The following LRCH1 variants were observed in gnomAD, a reference collection of about 807,000 sequenced individuals.
The protein encoded by LRCH1 is leucine-rich repeat and calponin homology domain-containing protein 1.
A neutral mutation model predicts 94.9 loss-of-function variants in LRCH1; 23 were observed. The ratio of observed to expected loss-of-function variants is 0.24; its 90% CI spans 0.17 to 0.34. The LOEUF (loss-of-function observed/expected upper bound fraction) is 0.34, where lower values mean the gene tolerates loss of function less well. LRCH1 is among the 10% of genes least tolerant of loss of function. The probability of loss-of-function intolerance (pLI) is 1.00; values close to 1 mark genes in which losing one functional copy is unlikely to be tolerated. For synonymous variants in LRCH1, 364 were observed against 354.9 expected (o/e 1.03, Z -0.29); for missense variants, 790 against 945.9 (o/e 0.84, Z 2.16).
At chr13:46,601,501 A>G (rs1355153536) in intron 1 of LRCH1, among the ~76,000 whole-genome samples, 2 of 152,244 alleles carry the variant, frequency 1.3e-5, no homozygotes, top group Non-Finnish European at 2.9e-5. Context: ...CATAGATCAT[A>G]GGTACATAGG....
At chr13:46,595,147 T>G (rs2050545550) in intron 1 of LRCH1, among the ~76,000 whole-genome samples, 1 of 152,244 alleles carries the variant, frequency 6.6e-6, no homozygotes, top group African/African-American at 2.4e-5. Context: ...ATAGTTTTGT[T>G]CTGTCATCTC....
At chr13:46,637,834 C>T (rs1017492293) in intron 1 of LRCH1, among the ~76,000 whole-genome samples, 13 of 152,296 alleles carry the variant, frequency 8.5e-5, no homozygotes, top group Admixed American at 7.8e-4. Flanking sequence ...GCGGGATTTC[C>T]TTGCCAGCGT....
chr13:46,654,166 A>G (rs2051341634), intron 2 of LRCH1, among the ~76,000 whole-genome samples: 1 of 152,192 alleles, frequency 6.6e-6, no homozygotes, highest in Non-Finnish European at 1.5e-5. Context: ...GTTGAGTAGT[A>G]TCATCCACAT....
chr13:46,660,129 G>C (rs901252921), intron 2 of LRCH1, among the ~76,000 whole-genome samples: 1 of 137,824 alleles, frequency 7.3e-6, no homozygotes, highest in Non-Finnish European at 1.5e-5. Context: ...CTCCTGCCTC[G>C]GCCTCCCTAG....
chr13:46,588,610 T>G (rs1020736685), intron 1 of LRCH1, among the ~76,000 whole-genome samples: 1 of 149,498 alleles, frequency 6.7e-6, no homozygotes, highest in East Asian at 2.0e-4. Flanking sequence ...TTTTTTTTTT[T>G]TTTTTTTGAG....
intron 2 of LRCH1, among the ~76,000 whole-genome samples, chr13:46,662,071 C>T (rs1367389618): frequency 2.0e-5 from 3 of 151,990 alleles, no homozygotes; most frequent in Admixed American, 6.6e-5. Context: ...ATTAGCTGGG[C>T]GTGGTGGTGT....
At chr13:46,692,077 C>G (rs1205806276) in intron 7 of LRCH1, among the ~76,000 whole-genome samples, 1 of 152,118 alleles carries the variant, frequency 6.6e-6, no homozygotes, top group African/African-American at 2.4e-5. Context: ...CCCCAAAACC[C>G]AAACACTTTC....
downstream of LRCH1, among the ~76,000 whole-genome samples, chr13:46,746,455 G>A (rs1873915501): frequency 6.6e-6 from 1 of 152,128 alleles, no homozygotes; most frequent in South Asian, 2.1e-4. Context: ...TGAAGCATGA[G>A]TTCTTCAAAG....
chr13:46,650,897 C>G (rs1008123702), intron 2 of LRCH1, among the ~76,000 whole-genome samples: 2 of 152,140 alleles, frequency 1.3e-5, no homozygotes, highest in Non-Finnish European at 2.9e-5. Flanking sequence ...CTTTACATCC[C>G]GCTAACTTAG....
At chr13:46,696,088 T>C (rs1222262621) in intron 9 of LRCH1, among the ~76,000 whole-genome samples, 1 of 152,110 alleles carries the variant, frequency 6.6e-6, no homozygotes, top group South Asian at 2.1e-4. Flanking sequence ...TCCATTGACA[T>C]TGCTTCATTT....
chr13:46,655,617 A>T (rs865779501), intron 2 of LRCH1, among the ~76,000 whole-genome samples: 1 of 152,258 alleles, frequency 6.6e-6, no homozygotes, highest in Non-Finnish European at 1.5e-5. Flanking sequence ...TACACAGGAA[A>T]GCCTCACAAA....
At chr13:46,700,291 A>G (rs914651022) in intron 10 of LRCH1, among the ~76,000 whole-genome samples, 2 of 152,128 alleles carry the variant, frequency 1.3e-5, no homozygotes, top group Non-Finnish European at 2.9e-5. Flanking sequence ...TTTTCTCCTT[A>G]CAGAAAGTCA....
intron 1 of LRCH1, among the ~76,000 whole-genome samples, chr13:46,580,042 G>C (rs182612468): frequency 1.3e-5 from 2 of 152,276 alleles, no homozygotes; most frequent in Non-Finnish European, 2.9e-5. Flanking sequence ...GAACCCCTAG[G>C]AGCATTTTGG....
chr13:46,680,122 C>G (rs1462063606), intron 3 of LRCH1: 1 of 152,222 alleles, frequency 6.6e-6, no homozygotes, highest in Non-Finnish European at 1.5e-5. Context: ...CTTGATCTCA[C>G]TGGAATCATT....
chr13:46,631,128 C>T (rs2051012247), intron 1 of LRCH1, among the ~76,000 whole-genome samples: 1 of 152,212 alleles, frequency 6.6e-6, no homozygotes, highest in Non-Finnish European at 1.5e-5. Context: ...TGTTTGTTCT[C>T]TGCTGTATGC....
At chr13:46,651,250 C>CAAAGTTCAG (rs2051293909) in intron 2 of LRCH1, among the ~76,000 whole-genome samples, 1 of 152,222 alleles carries the variant, frequency 6.6e-6, no homozygotes, top group Non-Finnish European at 1.5e-5. Flanking sequence ...TACCCAACAT[C>CAAAGTTCAG]AAAGTTCAGA....
intron 1 of LRCH1, among the ~76,000 whole-genome samples, chr13:46,580,060 A>G (rs2050347677): frequency 6.6e-6 from 1 of 152,120 alleles, no homozygotes. Context: ...TGGCATGAAC[A>G]TTTCTTTTGA....
Position 46,741,699 on chromosome 13 carries a change from A to G in LRCH1, c.2143A>G (p.Thr715Ala). ...LQLDFRHIRKTVDTLLALGEK... is the reference protein window; with the variant it reads ...LQLDFRHIRKAVDTLLALGEK... Reference sequence around the variant, plus strand: ...GTTGGATTTTCGTCACATTCGAAAGACTGTTGACACTCTGCTGGCACTCGG... The same window carrying G: ...GTTGGATTTTCGTCACATTCGAAAGGCTGTTGACACTCTGCTGGCACTCGG... Residue 715 changes from threonine (T) to alanine (A), a missense_variant, in exon 20 of 20, where the codon ACT becomes GCT. Thr to Ala is a moderately conservative substitution (Grantham distance 58, BLOSUM62 0). This residue lies in a region of LRCH1 where 460 missense variants were observed against 508.9 expected (regional missense o/e 0.90). Transcript: ENST00000389797. The G allele has an allele frequency of 6.2e-7, 1 of 1,614,154 alleles. No individual in the cohort carries two copies. The highest frequency in any genetic ancestry group is 8.5e-7 in the Non-Finnish European group (1 of 1,180,020).
At chr13:46,738,006 G>C (rs1873469396) in intron 19 of LRCH1, among the ~76,000 whole-genome samples, 1 of 152,196 alleles carries the variant, frequency 6.6e-6, no homozygotes, top group African/African-American at 2.4e-5. Flanking sequence ...TCAAACTTCT[G>C]TAAGGCATGA....
Sources: gnomAD v4.1 joint callset for allele counts (sites outside exome capture counted in the v4.1 genomes callset) on GRCh38, gnomAD v4.1.1 for gene constraint, gnomAD v4.1.1 regional missense constraint, MANE v1.5 for transcripts, NCBI Gene and HGNC (gene_info 2026-07-23, HGNC 2026-07-21) for gene names.